Variants in PSMA8 observed in about 807,000 individuals in gnomAD.
PSMA8 encodes the protein proteasome subunit alpha-type 8.
A neutral mutation model predicts 32.4 loss-of-function variants in PSMA8; 18 were observed. That is an observed-to-expected ratio of 0.56 (90% CI 0.38 to 0.82). PSMA8 has a LOEUF of 0.82. PSMA8 is among the 40% of genes least tolerant of loss of function. PSMA8 has a pLI of 0.00. For synonymous variants in PSMA8, 104 were observed against 98.1 expected (o/e 1.06, Z -0.36); for missense variants, 298 against 300.7 (o/e 0.99, Z 0.07).
intron 1 of PSMA8, among the ~76,000 whole-genome samples, chr18:26,142,633 G>T (rs1057348177): frequency 6.6e-6 from 1 of 152,110 alleles, no homozygotes; most frequent in Non-Finnish European, 1.5e-5. Context: ...CAATAGACAG[G>T]GCACTTTATA....
At chr18:26,142,585 G>C (rs1268885691) in intron 1 of PSMA8, among the ~76,000 whole-genome samples, 1 of 152,128 alleles carries the variant, frequency 6.6e-6, no homozygotes, top group Admixed American at 6.5e-5. Flanking sequence ...TGTGGCCCCT[G>C]TCTTAACTTA....
At chr18:26,148,587 T>G (rs1238771925) in intron 2 of PSMA8, among the ~76,000 whole-genome samples, 1 of 152,100 alleles carries the variant, frequency 6.6e-6, no homozygotes, top group Non-Finnish European at 1.5e-5. Flanking sequence ...ATTGAAAGCT[T>G]TCCCTCTAGA....
intron 3 of PSMA8, among the ~76,000 whole-genome samples, chr18:26,153,976 C>T (rs1220571184): frequency 6.6e-6 from 1 of 152,024 alleles, no homozygotes; most frequent in Non-Finnish European, 1.5e-5. Flanking sequence ...ATCTCAGCTC[C>T]CTGCAACCTC....
At chr18:26,174,829 C>G (rs770571491) in intron 4 of PSMA8, among the ~76,000 whole-genome samples, 2 of 152,084 alleles carry the variant, frequency 1.3e-5, no homozygotes, top group African/African-American at 4.8e-5. Context: ...GTTTTGTTAC[C>G]AAAGTACATC....
At chr18:26,181,184 CATT>C (rs1010351481) in intron 6 of PSMA8, among the ~76,000 whole-genome samples, 5 of 151,978 alleles carry the variant, frequency 3.3e-5, no homozygotes, top group Admixed American at 1.3e-4. Flanking sequence ...CAGACTTTTT[CATT>C]ATTATTATTA....
intron 4 of PSMA8, among the ~76,000 whole-genome samples, chr18:26,159,495 G>A (rs2055118277): frequency 6.6e-6 from 1 of 151,816 alleles, no homozygotes; most frequent in Non-Finnish European, 1.5e-5. Flanking sequence ...CTAAATCTGT[G>A]CCCTAAACAA....
At chr18:26,159,579 T>G (rs990668207) in intron 4 of PSMA8, among the ~76,000 whole-genome samples, 1 of 152,016 alleles carries the variant, frequency 6.6e-6, no homozygotes, top group African/African-American at 2.4e-5. Context: ...ATTACATCAT[T>G]ACCCTTTGTT....
chr18:26,138,072 T>TCA (rs2054926910), intron 1 of PSMA8, among the ~76,000 whole-genome samples: 4 of 152,308 alleles, frequency 2.6e-5, no homozygotes, highest in Admixed American at 2.6e-4. Context: ...TAGAAACTGG[T>TCA]GCCAGATCAT....
In PSMA8 at chr18:26,184,494, C is replaced by T. The variant is rs191622412; in HGVS notation, c.660+5364C>T. ...AGATCTATTAGAAGTTGTTTTTGGC[C>T]GGGCGCGGTGGCTCACGCTTGCAAT... On this transcript the variant is annotated intron_variant, in intron 6 of 6. Coordinates refer to ENST00000415576, the MANE Select transcript of PSMA8 (RefSeq NM_001025096.2). 2.7e-3 allele frequency among the ~76,000 whole-genome samples: 403 copies of T among 150,106 alleles called. 18 individuals carry two copies. Among genetic ancestry groups the T allele is most frequent in the Non-Finnish European group, 1.7e-3 (118 of 67,582 alleles).
chr18:26,137,416 C>A (rs961485991), intron 1 of PSMA8, among the ~76,000 whole-genome samples: 4 of 152,056 alleles, frequency 2.6e-5, no homozygotes, highest in Non-Finnish European at 4.4e-5. Context: ...TGAGATTGCA[C>A]CAGTGTACTC....
At position 26,140,202 on chromosome 18, in the gene PSMA8, T is replaced by TGGCAGGCTGGCGTGATGCCTAGGTC. The variant is rs2054944146; in HGVS notation, c.103-4356_103-4332dup. 5 of 698,360 alleles carry TGGCAGGCTGGCGTGATGCCTAGGTC rather than the reference T, an allele frequency of 7.2e-6. No individual in the cohort carries two copies. In the East Asian group the frequency reaches 1.3e-4, roughly 19 times the overall value. 43.3% of individuals were successfully genotyped at this position (698,360 alleles called of 1,614,324 possible). A position where few individuals can be genotyped will look rare whatever the true frequency, so the allele number is the denominator to read the frequency against. On this transcript the variant is annotated intron_variant, in intron 1 of 6. Coordinates refer to ENST00000415576, the MANE Select transcript of PSMA8 (RefSeq NM_001025096.2). ...GGGTGGGCCTGCCACTAGAGTCCTT[T>TGGCAGGCTGGCGTGATGCCTAGGTC]GGCAGGCTGGCGTGATGCCTAGGTC...
intron 1 of PSMA8, among the ~76,000 whole-genome samples, chr18:26,135,688 A>G (rs1174795399): frequency 6.6e-6 from 1 of 152,220 alleles, no homozygotes; most frequent in East Asian, 1.9e-4. Context: ...TAGAGCCTAA[A>G]ATAAAGGGAG....
chr18:26,150,564 A>T (rs1178957796), intron 2 of PSMA8, among the ~76,000 whole-genome samples: 1 of 152,008 alleles, frequency 6.6e-6, no homozygotes, highest in Non-Finnish European at 1.5e-5. Context: ...AGTCGCAAAC[A>T]CCTGGCTTCA....
chr18:26,156,195 TTGG>T (rs1357682489), intron 3 of PSMA8, among the ~76,000 whole-genome samples: 48 of 152,304 alleles, frequency 3.2e-4, no homozygotes, highest in Non-Finnish European at 4.4e-5. Context: ...CCATACGCTG[TTGG>T]TGGAAATGTA....
intron 2 of PSMA8, among the ~76,000 whole-genome samples, chr18:26,148,567 G>A (rs1411749807): frequency 6.6e-6 from 1 of 152,096 alleles, no homozygotes; most frequent in African/African-American, 2.4e-5. Context: ...ATCATACTCA[G>A]TGGTGAAAGA....
chr18:26,157,608 T>C (rs1688764659), intron 3 of PSMA8, among the ~76,000 whole-genome samples: 1 of 152,148 alleles, frequency 6.6e-6, no homozygotes, highest in Admixed American at 6.6e-5. Context: ...GGTTTTCTTG[T>C]TTTGGGAATG....
At chr18:26,190,042 G>A (rs947608353) in intron 6 of PSMA8, among the ~76,000 whole-genome samples, 2 of 152,090 alleles carry the variant, frequency 1.3e-5, no homozygotes, top group African/African-American at 4.8e-5. Context: ...AGGCAGGCAT[G>A]GAAAGACAGA....
intron 6 of PSMA8, among the ~76,000 whole-genome samples, chr18:26,179,979 G>A (rs1018181902): frequency 4.0e-5 from 6 of 151,708 alleles, no homozygotes; most frequent in East Asian, 1.9e-4. Context: ...TGCCAGATGC[G>A]GTGGCTCACA....
chr18:26,146,405 A>G (rs1046775105), intron 2 of PSMA8, among the ~76,000 whole-genome samples: 1 of 152,186 alleles, frequency 6.6e-6, no homozygotes, highest in Admixed American at 6.5e-5. Flanking sequence ...AAAAACAAAA[A>G]TGCCTTTATT....
Sources: gnomAD v4.1 joint callset for allele counts (sites outside exome capture counted in the v4.1 genomes callset) on GRCh38, gnomAD v4.1.1 for gene constraint, MANE v1.5 for transcripts, NCBI Gene and HGNC (gene_info 2026-07-23, HGNC 2026-07-21) for gene names.